The following CTNNA3 variants were observed in gnomAD, a reference collection of about 807,000 sequenced individuals.
CTNNA3 encodes the protein catenin alpha-3.
Under a neutral mutation model 95.7 loss-of-function variants are expected in CTNNA3, and 76 were observed. The observed-to-expected ratio is 0.79, with a 90% CI of 0.66 to 0.96. The LOEUF (loss-of-function observed/expected upper bound fraction) is 0.96, where lower values mean the gene tolerates loss of function less well. CTNNA3 is among the 40% of genes least tolerant of loss of function. The pLI, the probability that CTNNA3 is intolerant of heterozygous loss-of-function variation, is 0.00. For synonymous variants in CTNNA3, 431 were observed against 374.4 expected, an observed-to-expected ratio of 1.15 and a Z score of -1.74; for missense variants, 1,191 against 1,089.8, an observed-to-expected ratio of 1.09 and a Z score of -1.31.
At chr10:67,514,862 G>C (rs1839763579) in intron 5 of CTNNA3, among the ~76,000 whole-genome samples, 1 of 151,940 alleles carries the variant, frequency 6.6e-6, no homozygotes, top group East Asian at 1.9e-4. Flanking sequence ...CTACTGTATA[G>C]CAAACAACCT....
rs11369576 is a variant in CTNNA3 at position 67,005,682 on chromosome 10, C to CTTTTTTTTTTTTTTTTTTTTTTT, written c.1047+174634_1047+174635insAAAAAAAAAAAAAAAAAAAAAAA. ...AATGCTTTTGTTTATTTTACTCCAT[C>CTTTTTTTTTTTTTTTTTTTTTTT]TTTTTTTTTTTTTTTTTTTTTGAGA... is the stretch of plus-strand genomic sequence containing the variant. On this transcript the variant is annotated intron_variant, in intron 7 of 17. Coordinates refer to ENST00000433211, the MANE Select transcript of CTNNA3 (RefSeq NM_013266.4). Among the ~76,000 whole-genome samples, 55 of 61,982 alleles carry CTTTTTTTTTTTTTTTTTTTTTTT rather than the reference C, an allele frequency of 8.9e-4. 14 individuals are homozygous for CTTTTTTTTTTTTTTTTTTTTTTT. The highest frequency in any genetic ancestry group is 3.0e-3 in the South Asian group (3 of 992). The allele number at this position is 61,982 out of a possible 152,430, so 40.7% of individuals were successfully genotyped here. A position where few individuals can be genotyped will look rare whatever the true frequency, so the allele number is the denominator to read the frequency against.
Position 65,919,242 on chromosome 10 carries a change from T to A in CTNNA3, c.*1088A>T, listed in dbSNP as rs1428827080. ...AGTCCATTATGAACTCAACTAGGAA[T>A]GAACACAGTGACTGGAGTTGTAAAA... On this transcript the variant is annotated 3_prime_UTR_variant, in exon 18 of 18. Transcript: ENST00000433211. The A allele has an allele frequency of 6.6e-6, 1 of 152,102 alleles. No homozygotes were observed. The highest frequency in any genetic ancestry group is 1.5e-5 in the Non-Finnish European group (1 of 68,006). 9.4% of individuals were successfully genotyped at this position (152,102 alleles called of 1,614,324 possible).
At chr10:66,149,467 C>T (rs936925339) in intron 13 of CTNNA3, among the ~76,000 whole-genome samples, 11 of 151,312 alleles carry the variant, frequency 7.3e-5, no homozygotes, top group African/African-American at 2.7e-4. Context: ...CTAATAACTT[C>T]ATTAGTTAAA....
intron 7 of CTNNA3, among the ~76,000 whole-genome samples, chr10:67,038,227 T>C (rs1854184978): frequency 6.6e-6 from 1 of 152,144 alleles, no homozygotes; most frequent in Non-Finnish European, 1.5e-5. Flanking sequence ...TTTATTGTTG[T>C]TGTTGATTAG....
At chr10:66,070,668 T>G (rs2080416420) in intron 14 of CTNNA3, among the ~76,000 whole-genome samples, 1 of 152,186 alleles carries the variant, frequency 6.6e-6, no homozygotes, top group Admixed American at 6.6e-5. Flanking sequence ...TTACTTGGAA[T>G]GCCACTGATT....
intron 13 of CTNNA3, among the ~76,000 whole-genome samples, chr10:66,197,182 C>T (rs578170189): frequency 6.6e-5 from 10 of 150,922 alleles, no homozygotes; most frequent in African/African-American, 2.4e-4. Flanking sequence ...AGTTTTTTTA[C>T]ATAAAAGAGA....
At chr10:66,535,687 C>A (rs113162421) in intron 10 of CTNNA3, among the ~76,000 whole-genome samples, 1 of 152,118 alleles carries the variant, frequency 6.6e-6, no homozygotes, top group African/African-American at 2.4e-5. Flanking sequence ...CTTCAATTTT[C>A]TAGTCTCATT....
intron 7 of CTNNA3, among the ~76,000 whole-genome samples, chr10:67,147,960 A>G (rs1294520076): frequency 6.6e-6 from 1 of 152,192 alleles, no homozygotes; most frequent in Non-Finnish European, 1.5e-5. Context: ...TTCAGAATAA[A>G]AGCAGAAATT....
chr10:67,708,163 C>T (rs1002668701), intron 1 of CTNNA3, among the ~76,000 whole-genome samples: 1 of 152,110 alleles, frequency 6.6e-6, no homozygotes, highest in Admixed American at 6.6e-5. Context: ...TAATTTTTCT[C>T]ATTTAATTTT....
intron 13 of CTNNA3, among the ~76,000 whole-genome samples, chr10:66,142,289 G>C (rs2083658640): frequency 6.6e-6 from 1 of 151,946 alleles, no homozygotes; most frequent in Non-Finnish European, 1.5e-5. Context: ...GTTTTGCCTT[G>C]ACTCTTTCAT....
chr10:67,283,778 C>T (rs976135849), intron 5 of CTNNA3, among the ~76,000 whole-genome samples: 2 of 152,278 alleles, frequency 1.3e-5, no homozygotes, highest in Admixed American at 6.5e-5. Context: ...TTATGCCCCT[C>T]GGTCAAATTC....
chr10:67,513,731 A>G (rs149574177), intron 5 of CTNNA3, among the ~76,000 whole-genome samples: 2 of 152,328 alleles, frequency 1.3e-5, no homozygotes, highest in African/African-American at 4.8e-5. Flanking sequence ...AAATAAACTG[A>G]ATGTCCTGGC....
At chr10:67,648,808 G>A (rs1481570487) in intron 1 of CTNNA3, 1 of 1,288,534 alleles carries the variant, frequency 7.8e-7, no homozygotes, top group Non-Finnish European at 1.0e-6. Context: ...TCTTTTCTCA[G>A]CGATTCAGCT....
intron 13 of CTNNA3, among the ~76,000 whole-genome samples, chr10:66,196,884 T>C (rs1201296273): frequency 6.6e-6 from 1 of 152,164 alleles, no homozygotes; most frequent in Non-Finnish European, 1.5e-5. Context: ...GGATCCTCCA[T>C]GAGCTAGTGA....
intron 7 of CTNNA3, among the ~76,000 whole-genome samples, chr10:66,944,505 T>C (rs1334215679): frequency 6.6e-6 from 1 of 152,226 alleles, no homozygotes; most frequent in Admixed American, 6.5e-5. Flanking sequence ...CCTATTAATG[T>C]TGATGTTTTG....
rs16924437 is a variant in CTNNA3 at position 67,377,336 on chromosome 10, A to G, written c.579+144506T>C. Among the ~76,000 whole-genome samples, 3,003 of 152,278 alleles carry G rather than the reference A, an allele frequency of 0.02. 211 individuals are homozygous for G. The East Asian group carries it at 0.24, about 12-fold the overall frequency. On this transcript the variant is annotated intron_variant, in intron 5 of 17. Coordinates refer to ENST00000433211, the MANE Select transcript of CTNNA3 (RefSeq NM_013266.4). Reference sequence around the variant, plus strand: ...TTAAGGAAAGAATGAGAAGTCACCAATAGGAAAATTTGTCAGAATAAGTTA... The same window carrying G: ...TTAAGGAAAGAATGAGAAGTCACCAGTAGGAAAATTTGTCAGAATAAGTTA...
intron 1 of CTNNA3, among the ~76,000 whole-genome samples, chr10:67,677,864 A>T (rs549038460): frequency 6.6e-6 from 1 of 152,276 alleles, no homozygotes; most frequent in Admixed American, 6.5e-5. Context: ...AGGTGAATCG[A>T]ATTGCTTCAG....
chr10:67,434,340 C>A (rs946151805), intron 5 of CTNNA3, among the ~76,000 whole-genome samples: 1 of 151,924 alleles, frequency 6.6e-6, no homozygotes, highest in Non-Finnish European at 1.5e-5. Flanking sequence ...AGGATAAGGT[C>A]CATAAGCCCC....
intron 14 of CTNNA3, among the ~76,000 whole-genome samples, chr10:66,096,652 T>C (rs1245551094): frequency 2.0e-5 from 3 of 151,804 alleles, no homozygotes; most frequent in African/African-American, 7.3e-5. Flanking sequence ...CCCTTCCTAG[T>C]AGCTGGGATT....
Sources: allele counts gnomAD v4.1 joint callset (sites outside exome capture counted in the v4.1 genomes callset), GRCh38; gene constraint gnomAD v4.1.1; transcripts MANE v1.5; gene names NCBI Gene and HGNC (gene_info 2026-07-23, HGNC 2026-07-21).